Variants in TBL1X observed in about 807,000 individuals in gnomAD.
The protein encoded by TBL1X is transducin beta like 1 X-linked, also known as F-box-like/WD repeat-containing protein TBL1X.
A neutral mutation model predicts 50.7 loss-of-function variants in TBL1X; 10 were observed. That is an observed-to-expected ratio of 0.20 (90% CI 0.12 to 0.33). The LOEUF (loss-of-function observed/expected upper bound fraction) is 0.33. Among genes scored for constraint, TBL1X ranks in the 10% least tolerant of loss-of-function variants. The pLI is 1.00. For missense variants in TBL1X, 340 were observed against 504.4 expected (o/e 0.67, Z 3.12); for synonymous variants, 190 against 214.7 (o/e 0.88, Z 1.01).
At position 9,716,066 on chromosome X, in the gene TBL1X, T is replaced by G. The variant is rs556019184; in HGVS notation, c.1708-154T>G. On this transcript the variant is annotated intron_variant, in intron 17 of 17. Transcript: ENST00000645353. ...GATGCCAGTCTGTTATGAGAGCTTCTCTGACCCTTCATGACGATGTTCCAA... is the reference window on the plus strand; with the variant it reads ...GATGCCAGTCTGTTATGAGAGCTTCGCTGACCCTTCATGACGATGTTCCAA... 5.3e-5 allele frequency among the ~76,000 whole-genome samples: 6 copies of G among 112,458 alleles called. No individual in the cohort carries two copies. The South Asian group carries it at 2.2e-3, about 42-fold the overall frequency.
chrX:9,716,251 A>G lies in TBL1X; in HGVS notation c.*5A>G, dbSNP rs886842781. The G allele has an allele frequency of 5.0e-6, 6 of 1,208,679 alleles. No homozygotes were observed. Among genetic ancestry groups the G allele is most frequent in the Non-Finnish European group, 6.7e-6 (6 of 893,185 alleles). On this transcript the variant is annotated 3_prime_UTR_variant, in exon 18 of 18. Coordinates refer to ENST00000645353, the MANE Select transcript of TBL1X (RefSeq NM_005647.4). ...GTTTTGGATCTGCGGAAGTAACCACAAAATATTATCGAAAAAAGAAAAGAA... is the reference window on the plus strand; with the variant it reads ...GTTTTGGATCTGCGGAAGTAACCACGAAATATTATCGAAAAAAGAAAAGAA...
intron 4 of TBL1X, 121 bp from the exon 5 acceptor site, chrX:9,654,094 A>G (rs1406289592): frequency 3.2e-5 from 17 of 533,756 alleles, no homozygotes; most frequent in Non-Finnish European, 4.1e-5. Flanking sequence ...ATATAACACA[A>G]TCAGATATTA....
chrX:9,549,045 G>A (rs1241271472), intron 2 of TBL1X, among the ~76,000 whole-genome samples: 2 of 113,182 alleles, frequency 1.8e-5, no homozygotes, highest in African/African-American at 6.4e-5. Context: ...ACAGCAGCTG[G>A]CCCTTGAGTT....
At chrX:9,564,509 C>A (rs373235957) in intron 2 of TBL1X, among the ~76,000 whole-genome samples, 1 of 110,159 alleles carries the variant, frequency 9.1e-6, no homozygotes, top group East Asian at 2.9e-4. Context: ...CCCAGGTGGA[C>A]AGATCACAAG....
intron 2 of TBL1X, among the ~76,000 whole-genome samples, chrX:9,565,844 AAAC>A (rs1169923060): frequency 2.7e-5 from 3 of 111,185 alleles, no homozygotes; most frequent in African/African-American, 6.6e-5. Flanking sequence ...CAAAAAACAA[AAAC>A]AACAACAAAA....
chrX:9,503,908 A>G (rs921640000), intron 2 of TBL1X, among the ~76,000 whole-genome samples: 8 of 112,241 alleles, frequency 7.1e-5, no homozygotes, highest in African/African-American at 2.6e-4. Context: ...GTTTCCCCCA[A>G]GCAAAACACA....
At chrX:9,479,094 T>A (rs2081865206) in intron 1 of TBL1X, among the ~76,000 whole-genome samples, 1 of 113,276 alleles carries the variant, frequency 8.8e-6, no homozygotes, top group African/African-American at 3.2e-5. Flanking sequence ...TGGACTTCTG[T>A]CTTGATTCTT....
intron 11 of TBL1X, 109 bp downstream of exon 11, chrX:9,693,528 T>A: frequency 1.3e-6 from 1 of 745,736 alleles, no homozygotes; most frequent in African/African-American, 2.1e-5. Context: ...TGCTTCCCCT[T>A]AAGAAATGAA....
intron 1 of TBL1X, among the ~76,000 whole-genome samples, chrX:9,500,356 A>G (rs1216196069): frequency 2.8e-5 from 3 of 105,602 alleles, no homozygotes; most frequent in African/African-American, 1.0e-4. Context: ...GCACTTTGGG[A>G]GGCCGAGGCA....
chrX:9,647,577 CCTT>C (rs968143786), intron 3 of TBL1X, among the ~76,000 whole-genome samples: 10 of 111,958 alleles, frequency 8.9e-5, no homozygotes, highest in African/African-American at 2.9e-4. Context: ...CCAAAACTCT[CCTT>C]TATTTTAGAA....
At chrX:9,629,857 C>T (rs984304695) in intron 2 of TBL1X, among the ~76,000 whole-genome samples, 3 of 110,498 alleles carry the variant, frequency 2.7e-5, no homozygotes, top group East Asian at 2.9e-4. Flanking sequence ...ACTTCGGGAT[C>T]GCTGATCGCC....
intron 2 of TBL1X, among the ~76,000 whole-genome samples, chrX:9,628,386 C>G (rs1412466851): frequency 9.0e-6 from 1 of 111,219 alleles, no homozygotes; most frequent in South Asian, 3.8e-4. Context: ...CAAAATCACG[C>G]CTGCTTGAGA....
At chrX:9,707,179 C>T (rs1051892017) in intron 13 of TBL1X, among the ~76,000 whole-genome samples, 1 of 111,122 alleles carries the variant, frequency 9.0e-6, no homozygotes, top group African/African-American at 3.3e-5. Context: ...CATTGTGCCA[C>T]TAACTTAACT....
At chrX:9,680,800 C>T (rs1271971539) in intron 5 of TBL1X, among the ~76,000 whole-genome samples, 4 of 111,671 alleles carry the variant, frequency 3.6e-5, no homozygotes, top group Admixed American at 9.5e-5. Context: ...CATGACCTAC[C>T]CTCTCCAAAA....
At chrX:9,589,005 T>A (rs1327928429) in intron 2 of TBL1X, among the ~76,000 whole-genome samples, 1 of 111,401 alleles carries the variant, frequency 9.0e-6, no homozygotes, top group Non-Finnish European at 1.9e-5. Context: ...GTGATCCTAA[T>A]CCCTGCCCTG....
intron 2 of TBL1X, among the ~76,000 whole-genome samples, chrX:9,532,143 A>G (rs1248911613): frequency 9.0e-6 from 1 of 111,654 alleles, no homozygotes; most frequent in Non-Finnish European, 1.9e-5. Flanking sequence ...AGCTGCGCAC[A>G]TGCTTCTGGA....
At chrX:9,532,806 C>G (rs890338337) in intron 2 of TBL1X, among the ~76,000 whole-genome samples, 1 of 111,520 alleles carries the variant, frequency 9.0e-6, no homozygotes, top group Non-Finnish European at 1.9e-5. Context: ...CTAATGACCT[C>G]ATTTTACCTT....
chrX:9,715,337 G>A (rs2083271948), intron 17 of TBL1X, among the ~76,000 whole-genome samples: 1 of 111,926 alleles, frequency 8.9e-6, no homozygotes, highest in South Asian at 3.7e-4. Context: ...AACGTTTTGG[G>A]AAATGTGTCA....
At chrX:9,550,269 G>C (rs960422955) in intron 2 of TBL1X, among the ~76,000 whole-genome samples, 1 of 112,022 alleles carries the variant, frequency 8.9e-6, no homozygotes, top group African/African-American at 3.2e-5. Context: ...TGGAGTCATA[G>C]TTAAAAGGAT....
Sources: allele counts gnomAD v4.1 joint callset (sites outside exome capture counted in the v4.1 genomes callset), GRCh38; gene constraint gnomAD v4.1.1; transcripts MANE v1.5; gene names NCBI Gene and HGNC (gene_info 2026-07-23, HGNC 2026-07-21).